Variants in TMEM132B observed in about 807,000 individuals in gnomAD.
TMEM132B encodes the protein transmembrane protein 132B.
TMEM132B carries 18 observed loss-of-function variants against 90.8 expected under a neutral mutation model. That is an observed-to-expected ratio of 0.20 (90% confidence interval 0.14 to 0.29). The LOEUF is 0.29. Among genes scored for constraint, TMEM132B ranks in the 10% least tolerant of loss-of-function variants. TMEM132B has a pLI of 1.00. For synonymous variants in TMEM132B, 504 were observed against 523.3 expected, an observed-to-expected ratio of 0.96 and a Z score of 0.50; for missense variants, 1,096 against 1,326.8, an observed-to-expected ratio of 0.83 and a Z score of 2.70.
At chr12:125,537,007 A>G (rs1318155299) in intron 4 of TMEM132B, among the ~76,000 whole-genome samples, 1 of 152,146 alleles carries the variant, frequency 6.6e-6, no homozygotes, top group Non-Finnish European at 1.5e-5. Context: ...AAAAAATCAG[A>G]GTGTATCTGA....
rs181828410 is a variant in TMEM132B, at chr12:125,659,229, G to A, written c.*4519G>A. On this transcript the variant is annotated 3_prime_UTR_variant, in exon 9 of 9. Transcript: ENST00000682704. ...TTTACCTTGAAAACATTTCTTATTTGTTATCCTAGTAGGCTGGGGAAAGCT... is the reference window on the plus strand; with the variant it reads ...TTTACCTTGAAAACATTTCTTATTTATTATCCTAGTAGGCTGGGGAAAGCT... 6.6e-6 allele frequency: 1 copy of A among 152,276 alleles called. No homozygotes were observed. Among genetic ancestry groups the A allele is most frequent in the Admixed American group, 6.5e-5 (1 of 15,306 alleles). The allele number at this position is 152,276 out of a possible 1,614,324, so 9.4% of individuals were successfully genotyped here. A position where few individuals can be genotyped will look rare whatever the true frequency, so the allele number is the denominator to read the frequency against.
chr12:125,312,474 A>G (rs548171116), intron 1 of TMEM132B, among the ~76,000 whole-genome samples: 1 of 152,352 alleles, frequency 6.6e-6, no homozygotes, highest in East Asian at 1.9e-4. Context: ...TTAGCAAGAA[A>G]TTCACATTAA....
At chr12:125,441,800 T>C (rs769625614) in intron 3 of TMEM132B, among the ~76,000 whole-genome samples, 4 of 152,246 alleles carry the variant, frequency 2.6e-5, no homozygotes, top group Non-Finnish European at 4.4e-5. Flanking sequence ...CTGAATCTCT[T>C]CTGTAAAATG....
intron 1 of TMEM132B, among the ~76,000 whole-genome samples, chr12:125,339,049 C>T (rs1175090193): frequency 2.4e-5 from 3 of 124,810 alleles, no homozygotes; most frequent in East Asian, 2.4e-4. Context: ...TGTAGATCCT[C>T]ACCTCCAGCT....
At chr12:125,592,155 G>A (rs991999334) in intron 5 of TMEM132B, among the ~76,000 whole-genome samples, 3 of 152,188 alleles carry the variant, frequency 2.0e-5, no homozygotes, top group African/African-American at 7.2e-5. Flanking sequence ...TGTTCATACT[G>A]TAATTATGAT....
chr12:125,447,932 T>C (rs1566039211), intron 3 of TMEM132B, among the ~76,000 whole-genome samples: 1 of 152,164 alleles, frequency 6.6e-6, no homozygotes, highest in Admixed American at 6.5e-5. Flanking sequence ...TCAAAATATT[T>C]TGAGGTATAA....
intron 3 of TMEM132B, among the ~76,000 whole-genome samples, chr12:125,474,892 T>C (rs1390463893): frequency 6.6e-6 from 1 of 152,242 alleles, no homozygotes; most frequent in Non-Finnish European, 1.5e-5. Flanking sequence ...TCACTTCTGG[T>C]CTTGCAACAA....
chr12:125,432,487 G>A (rs868686788), intron 3 of TMEM132B, among the ~76,000 whole-genome samples: 2 of 62,114 alleles, frequency 3.2e-5, no homozygotes, highest in Admixed American at 1.8e-4. Flanking sequence ...GTATATATAT[G>A]TATGTGTATA....
intron 4 of TMEM132B, among the ~76,000 whole-genome samples, chr12:125,554,371 G>C (rs1884315133): frequency 2.1e-5 from 3 of 143,716 alleles, no homozygotes; most frequent in Non-Finnish European, 4.5e-5. Context: ...CTTACAGTGA[G>C]CCGAGATAGT....
intron 3 of TMEM132B, among the ~76,000 whole-genome samples, chr12:125,506,154 T>C (rs567944977): frequency 2.6e-4 from 39 of 152,348 alleles, no homozygotes; most frequent in African/African-American, 9.1e-4. Context: ...AAACGAATTG[T>C]AAACTTCTGA....
rs2137071285 is a variant in TMEM132B at position 125,659,626 on chromosome 12, A to G, written c.*4916A>G. 1 of 152,330 alleles carries G rather than the reference A, an allele frequency of 6.6e-6. No individual in the cohort carries two copies. The highest frequency in any genetic ancestry group is 2.4e-5 in the African/African-American group (1 of 41,566). 9.4% of individuals were successfully genotyped at this position (152,330 alleles called of 1,614,324 possible). ...TCTGTTGGTGTGTGTGTATTTCTTG[A>G]AACTGCAGAGTCATTTTTGGCATGC... On this transcript the variant is annotated 3_prime_UTR_variant, in exon 9 of 9. Transcript: ENST00000682704.
intron 1 of TMEM132B, among the ~76,000 whole-genome samples, chr12:125,205,808 G>A (rs1873170063): frequency 6.6e-6 from 1 of 152,252 alleles, no homozygotes; most frequent in Admixed American, 6.5e-5. Flanking sequence ...CTCATTAGCA[G>A]CCAGCCCATA....
At chr12:125,307,795 A>ACAAGTATATATACTTATATTG (rs1321717986) in intron 1 of TMEM132B, among the ~76,000 whole-genome samples, 36 of 12,492 alleles carry the variant, frequency 2.9e-3, no homozygotes, top group South Asian at 0.012. Flanking sequence ...CAAGTATATT[A>ACAAGTATATATACTTATATTG]CAAGTATATA....
At chr12:125,264,106 T>C (rs529176590) in intron 1 of TMEM132B, among the ~76,000 whole-genome samples, 1 of 152,332 alleles carries the variant, frequency 6.6e-6, no homozygotes, top group East Asian at 1.9e-4. Flanking sequence ...CCTTGCTTTT[T>C]CCAGCTTCTA....
chr12:125,519,686 A>G (rs1466171406), intron 4 of TMEM132B, 61 bp downstream of exon 4: 5 of 1,537,898 alleles, frequency 3.3e-6, no homozygotes, highest in Admixed American at 3.4e-5. Flanking sequence ...AACATGATGC[A>G]CTGTATAATC....
intron 3 of TMEM132B, among the ~76,000 whole-genome samples, chr12:125,486,565 T>C (rs1882210990): frequency 6.6e-6 from 1 of 152,196 alleles, no homozygotes; most frequent in African/African-American, 2.4e-5. Flanking sequence ...TTTAGTATTA[T>C]GTTTAAAAGC....
At chr12:125,617,684 C>T (rs1325768604) in intron 5 of TMEM132B, among the ~76,000 whole-genome samples, 3 of 152,144 alleles carry the variant, frequency 2.0e-5, no homozygotes, top group Non-Finnish European at 4.4e-5. Context: ...AAATTGTTCA[C>T]TTCTGTTGGT....
intron 2 of TMEM132B, among the ~76,000 whole-genome samples, chr12:125,401,382 T>G (rs1157269181): frequency 1.3e-5 from 2 of 152,062 alleles, no homozygotes; most frequent in African/African-American, 4.8e-5. Context: ...TGGGTACGGT[T>G]TAGTGCTAAG....
chr12:125,602,197 C>T (rs141545027), intron 5 of TMEM132B, among the ~76,000 whole-genome samples: 2,669 of 152,238 alleles, frequency 0.018, 32 homozygotes, highest in Non-Finnish European at 0.025. Flanking sequence ...TGATGAACAT[C>T]GATGTGAAAA....
Sources: allele counts gnomAD v4.1 joint callset (sites outside exome capture counted in the v4.1 genomes callset), GRCh38; gene constraint gnomAD v4.1.1; transcripts MANE v1.5; gene names NCBI Gene and HGNC (gene_info 2026-07-23, HGNC 2026-07-21).